The following TTC9 variants were observed in gnomAD, a reference collection of about 807,000 sequenced individuals.
TTC9 encodes tetratricopeptide repeat domain 9.
In TTC9, 13 loss-of-function variants were observed where a neutral mutation model predicts 22.9. The ratio of observed to expected loss-of-function variants is 0.57; its 90% CI spans 0.37 to 0.90. TTC9 has a LOEUF of 0.90. TTC9 is among the 40% of genes least tolerant of loss of function. The pLI is 0.01. For missense variants in TTC9, 280 were observed against 291.8 expected, an observed-to-expected ratio of 0.96 and a Z score of 0.29; for synonymous variants, 148 against 133.2, an observed-to-expected ratio of 1.11 and a Z score of -0.77.
At chr14:70,645,446 C>T (rs1885889532) in intron 1 of TTC9, among the ~76,000 whole-genome samples, 2 of 152,254 alleles carry the variant, frequency 1.3e-5, no homozygotes, top group Middle Eastern at 3.4e-3. Flanking sequence ...AATCAGGTAT[C>T]CTGCTTTTAA....
chr14:70,657,694 G>A (rs1304012359), intron 1 of TTC9, among the ~76,000 whole-genome samples: 1 of 152,144 alleles, frequency 6.6e-6, no homozygotes, highest in East Asian at 1.9e-4. Context: ...GGCCAGACAC[G>A]GTGGCTCACA....
At chr14:70,668,981 C>T (rs950681875) in intron 2 of TTC9, among the ~76,000 whole-genome samples, 1 of 151,798 alleles carries the variant, frequency 6.6e-6, no homozygotes, top group African/African-American at 2.4e-5. Context: ...ATGGTGAAAC[C>T]CCGTCTCTAC....
At chr14:70,647,403 GTCA>G (rs1381891167) in intron 1 of TTC9, among the ~76,000 whole-genome samples, 1 of 152,152 alleles carries the variant, frequency 6.6e-6, no homozygotes, top group Non-Finnish European at 1.5e-5. Flanking sequence ...TTCCTTCTGT[GTCA>G]TCATTTTCAG....
Position 70,642,236 on chromosome 14 carries a change from G to C in TTC9, c.107G>C (p.Gly36Ala). 2 of 1,351,252 alleles carry C rather than the reference G, an allele frequency of 1.5e-6. No individual in the cohort carries two copies. Among genetic ancestry groups the C allele is most frequent in the African/African-American group, 1.5e-5 (1 of 64,966 alleles). 83.7% of individuals were successfully genotyped at this position (1,351,252 alleles called of 1,614,324 possible). The change falls in exon 1 of 3, where the codon GGA becomes GCA. Residue 36 changes from glycine to alanine, a missense_variant. Transcript: ENST00000256367. Reference sequence around the variant, plus strand: ...CCGCTGTGCGTCCCGGGCGGCGGCGGAGGAGCCCCAGCGAGGGGCCAGGTC... The same window carrying C: ...CCGCTGTGCGTCCCGGGCGGCGGCGCAGGAGCCCCAGCGAGGGGCCAGGTC... ...PPPLCVPGGG[G>A]GAPARGQVGA...
intron 1 of TTC9, among the ~76,000 whole-genome samples, chr14:70,642,918 G>C (rs1885846063): frequency 6.6e-6 from 1 of 152,202 alleles, no homozygotes; most frequent in Non-Finnish European, 1.5e-5. Context: ...TCCCAAGGGA[G>C]GCCACGCACC....
chr14:70,647,865 T>C (rs955576091), intron 1 of TTC9, among the ~76,000 whole-genome samples: 1 of 152,058 alleles, frequency 6.6e-6, no homozygotes, highest in African/African-American at 2.4e-5. Context: ...ACAGCACAAG[T>C]TGCCCACCCT....
intron 2 of TTC9, among the ~76,000 whole-genome samples, chr14:70,669,919 C>T (rs559305978): frequency 6.6e-6 from 1 of 152,262 alleles, no homozygotes; most frequent in African/African-American, 2.4e-5. Context: ...GTGTGTGGAA[C>T]TTAGCAGTTG....
At chr14:70,666,790 C>T (rs1206153382) in intron 1 of TTC9, among the ~76,000 whole-genome samples, 1 of 152,132 alleles carries the variant, frequency 6.6e-6, no homozygotes, top group Non-Finnish European at 1.5e-5. Flanking sequence ...ATCAGTAATA[C>T]ATGTAAAACA....
intron 1 of TTC9, among the ~76,000 whole-genome samples, chr14:70,651,026 C>A (rs1450857056): frequency 1.3e-5 from 2 of 151,902 alleles, no homozygotes; most frequent in Admixed American, 1.3e-4. Context: ...GTCACCCAGG[C>A]TGGAGTGTAA....
At chr14:70,646,120 C>T (rs1181207794) in intron 1 of TTC9, among the ~76,000 whole-genome samples, 19 of 152,240 alleles carry the variant, frequency 1.2e-4, no homozygotes, top group Non-Finnish European at 2.6e-4. Flanking sequence ...GTTGTGGTCT[C>T]TTCTGGCTGG....
chr14:70,655,254 C>CCT (rs1257553545), intron 1 of TTC9, among the ~76,000 whole-genome samples: 42 of 152,196 alleles, frequency 2.8e-4, no homozygotes, highest in Non-Finnish European at 5.7e-4. Flanking sequence ...ATTAGCCAGG[C>CCT]GCAGTGGCGT....
At chr14:70,644,887 CG>C (rs1885881100) in intron 1 of TTC9, among the ~76,000 whole-genome samples, 1 of 151,892 alleles carries the variant, frequency 6.6e-6, no homozygotes, top group African/African-American at 2.4e-5. Flanking sequence ...CCGAGGCGGG[CG>C]GATCACGAGG....
rs1594732093 is a variant in TTC9 at position 70,642,028 on chromosome 14, G to A, written c.-102G>A. 1.2e-6 allele frequency: 1 copy of A among 808,742 alleles called. No individual in the cohort carries two copies. The highest frequency in any genetic ancestry group is 1.5e-6 in the Non-Finnish European group (1 of 664,232). The allele number at this position is 808,742 out of a possible 1,614,324, so 50.1% of individuals were successfully genotyped here. On this transcript the variant is annotated 5_prime_UTR_variant, in exon 1 of 3. Transcript: ENST00000256367. ...TCACGGCCGCCACGAAGCCTGCGAG[G>A]CGCGGGGCCGGCGCCCGCGGCTTTT... is the stretch of plus-strand genomic sequence containing the variant.
At chr14:70,657,673 G>A (rs1886086455) in intron 1 of TTC9, among the ~76,000 whole-genome samples, 1 of 152,178 alleles carries the variant, frequency 6.6e-6, no homozygotes. Context: ...ACAAAGAAAC[G>A]GCTACTTGTG....
rs753363564 is a variant in TTC9, at chr14:70,667,683, C to A, written c.526C>A (p.His176Asn). 1 of 1,613,788 alleles carries A rather than the reference C, an allele frequency of 6.2e-7. No homozygotes were observed. Among genetic ancestry groups the A allele is most frequent in the Non-Finnish European group, 8.5e-7 (1 of 1,179,806 alleles). ...ALYRSGVAFY[H>N]LGDYDKALYY... is the part of the protein sequence containing the mutation. ...TTACCGGTCTGGTGTGGCCTTCTAC[C>A]ACCTTGGGGACTATGACAAAGCACT... is the stretch of plus-strand genomic sequence containing the variant. The change falls in exon 2 of 3, where the codon CAC becomes AAC. Residue 176 changes from histidine to asparagine, a missense_variant. Transcript: ENST00000256367.
intron 1 of TTC9, among the ~76,000 whole-genome samples, chr14:70,644,529 T>C (rs1352979604): frequency 6.6e-6 from 1 of 152,082 alleles, no homozygotes; most frequent in East Asian, 1.9e-4. Context: ...GAGCCATTCT[T>C]CTCCAAAGGC....
chr14:70,642,045 G>C lies in TTC9; in HGVS notation c.-85G>C. 1 of 949,682 alleles carries C rather than the reference G, an allele frequency of 1.1e-6. No individual in the cohort carries two copies. Among genetic ancestry groups the C allele is most frequent in the Non-Finnish European group, 1.3e-6 (1 of 792,550 alleles). 58.8% of individuals were successfully genotyped at this position (949,682 alleles called of 1,614,324 possible). On this transcript the variant is annotated 5_prime_UTR_variant, in exon 1 of 3. Coordinates refer to ENST00000256367, the MANE Select transcript of TTC9 (RefSeq NM_015351.2). ...CCTGCGAGGCGCGGGGCCGGCGCCC[G>C]CGGCTTTTAAACCCGGGAAGGCGCG...
At chr14:70,660,010 G>A (rs761318951) in intron 1 of TTC9, among the ~76,000 whole-genome samples, 2 of 152,190 alleles carry the variant, frequency 1.3e-5, no homozygotes, top group African/African-American at 2.4e-5. Context: ...GCAGTGCCTG[G>A]CCCATTCATG....
At chr14:70,653,028 C>T (rs1374073057) in intron 1 of TTC9, among the ~76,000 whole-genome samples, 1 of 152,210 alleles carries the variant, frequency 6.6e-6, no homozygotes, top group East Asian at 1.9e-4. Context: ...CCTACTTCTT[C>T]CTCCATTAAC....
Sources: gnomAD v4.1 joint callset for allele counts (sites outside exome capture counted in the v4.1 genomes callset) on GRCh38, gnomAD v4.1.1 for gene constraint, MANE v1.5 for transcripts, NCBI Gene and HGNC (gene_info 2026-07-23, HGNC 2026-07-21) for gene names.